The following SEC24A variants were observed in gnomAD, a reference collection of about 807,000 sequenced individuals.
SEC24A encodes protein transport protein Sec24A.
A neutral mutation model predicts 129.4 loss-of-function variants in SEC24A; 93 were observed. The ratio of observed to expected loss-of-function variants is 0.72; its 90% CI spans 0.61 to 0.85. The LOEUF is 0.85. Among genes scored for constraint, SEC24A ranks in the 40% least tolerant of loss-of-function variants. The pLI is 0.00. For missense variants in SEC24A, 1,264 were observed against 1,307.4 expected (o/e 0.97, Z 0.51); for synonymous variants, 460 against 467.3 (o/e 0.98, Z 0.20).
chr5:134,707,237 G>C (rs1406003484), intron 17 of SEC24A, among the ~76,000 whole-genome samples: 2 of 152,100 alleles, frequency 1.3e-5, no homozygotes, highest in African/African-American at 2.4e-5. Flanking sequence ...CGTGGAGCCT[G>C]GTAAAGGATT....
chr5:134,679,462 G>C (rs373425910), intron 7 of SEC24A, 140 bp from the exon 8 acceptor site: 2 of 483,880 alleles, frequency 4.1e-6, no homozygotes, highest in East Asian at 3.2e-5. Flanking sequence ...GTGTATGGCA[G>C]TTTAGATACA....
At chr5:134,724,881 T>G (rs901336287) in intron 22 of SEC24A, 99 bp from the exon 23 acceptor site, 2 of 677,556 alleles carry the variant, frequency 3.0e-6, no homozygotes, top group Non-Finnish European at 5.3e-6. Context: ...ACTGTTTATA[T>G]AGTAAATGTT....
intron 13 of SEC24A, among the ~76,000 whole-genome samples, chr5:134,695,360 CAAA>C (rs1258535890): frequency 1.3e-4 from 19 of 151,628 alleles, no homozygotes; most frequent in African/African-American, 4.6e-4. Context: ...ACAACAACAA[CAAA>C]AAAGATGGCT....
chr5:134,657,021 CAAA>C (rs756345015), intron 1 of SEC24A, among the ~76,000 whole-genome samples: 8 of 151,340 alleles, frequency 5.3e-5, no homozygotes, highest in Non-Finnish European at 1.0e-4. Flanking sequence ...CCCATCTCTA[CAAA>C]AAAATTTAAA....
intron 16 of SEC24A, among the ~76,000 whole-genome samples, chr5:134,704,460 C>CATTTAGTAATAA (rs1752094735): frequency 2.6e-5 from 4 of 152,092 alleles, no homozygotes; most frequent in African/African-American, 4.8e-5. Context: ...TGAATGCGAT[C>CATTTAGTAATAA]CCTGTTCATT....
At chr5:134,671,911 T>C (rs1750878980) in intron 4 of SEC24A, 25 bp downstream of exon 4, 1 of 1,381,786 alleles carries the variant, frequency 7.2e-7, no homozygotes, top group South Asian at 1.2e-5. Context: ...AAGTTTTTTT[T>C]TTAATCTCTT....
chr5:134,659,392 T>C (rs1429862361), intron 1 of SEC24A, among the ~76,000 whole-genome samples: 1 of 152,112 alleles, frequency 6.6e-6, no homozygotes, highest in Non-Finnish European at 1.5e-5. Flanking sequence ...ATTATTTTGA[T>C]GGGCTACTTA....
At chr5:134,665,326 C>T (rs1398145974) in intron 2 of SEC24A, among the ~76,000 whole-genome samples, 1 of 150,734 alleles carries the variant, frequency 6.6e-6, no homozygotes, top group Non-Finnish European at 1.5e-5. Context: ...TGGTGGCGCG[C>T]ACTTGTGGAC....
chr5:134,655,907 GT>G (rs915408275), intron 1 of SEC24A, among the ~76,000 whole-genome samples: 3 of 151,334 alleles, frequency 2.0e-5, no homozygotes, highest in African/African-American at 7.3e-5. Flanking sequence ...ATTTCTGATT[GT>G]TTTTTTCTCT....
intron 7 of SEC24A, among the ~76,000 whole-genome samples, chr5:134,676,394 T>C (rs2150083793): frequency 6.8e-6 from 1 of 147,880 alleles, no homozygotes; most frequent in Admixed American, 6.9e-5. Context: ...TGCCTTGGCC[T>C]CCCAAAGTGC....
chr5:134,693,820 A>C lies in SEC24A; in HGVS notation c.1873A>C (p.Lys625Gln), dbSNP rs1444576685. Residue 625 changes from lysine to glutamine, a missense_variant, in exon 13 of 23, where the codon AAG becomes CAG. Physicochemically the swap from Lys to Gln is moderately conservative, Grantham distance 53. Coordinates refer to ENST00000398844, the MANE Select transcript of SEC24A (RefSeq NM_021982.3). Reference sequence around the variant, plus strand: ...GGGTCCTGCACTGCAGGCTGCCTTTAAGCTGATGTCTCCAACTGGTGGTCG... The same window carrying C: ...GGGTCCTGCACTGCAGGCTGCCTTTCAGCTGATGTCTCCAACTGGTGGTCG... The part of the protein sequence containing the change: ...ALGPALQAAF[K>Q]LMSPTGGRMS... 2 of 1,614,084 alleles carry C rather than the reference A, an allele frequency of 1.2e-6. No individual in the cohort carries two copies. Among genetic ancestry groups the C allele is most frequent in the South Asian group, 2.2e-5 (2 of 91,080 alleles).
chr5:134,718,198 C>T (rs752380156), intron 20 of SEC24A, 25 bp downstream of exon 20: 58 of 1,496,018 alleles, frequency 3.9e-5, no homozygotes, highest in Non-Finnish European at 5.4e-5. Context: ...TTATCCTGAC[C>T]CTCACTGCAA....
intron 18 of SEC24A, among the ~76,000 whole-genome samples, chr5:134,710,566 G>A (rs1752295200): frequency 6.6e-6 from 1 of 152,000 alleles, no homozygotes; most frequent in African/African-American, 2.4e-5. Flanking sequence ...TCTTATACCT[G>A]TATACTTGCA....
chr5:134,676,796 A>G (rs1040015378), intron 7 of SEC24A, among the ~76,000 whole-genome samples: 6 of 152,168 alleles, frequency 3.9e-5, no homozygotes, highest in South Asian at 2.1e-4. Context: ...ATTTTCTGCA[A>G]TGATGCAAGA....
At chr5:134,706,089 T>C (rs1278209366) in intron 17 of SEC24A, among the ~76,000 whole-genome samples, 1 of 152,178 alleles carries the variant, frequency 6.6e-6, no homozygotes, top group Non-Finnish European at 1.5e-5. Flanking sequence ...GGTTTCTTCA[T>C]GTGGTCGGGC....
chr5:134,686,775 TC>T lies in SEC24A; in HGVS notation c.1492-14del, dbSNP rs1751466854. On this transcript the variant is annotated splice_polypyrimidine_tract_variant and intron_variant, in intron 9 of 22. Transcript: ENST00000398844. ...ATCCTGTTAAATGTACTTAACAAGA[TC>T]TTTTTTTCTTCAGTTACGACCACCT... is the stretch of plus-strand genomic sequence containing the variant. The T allele has an allele frequency of 1.3e-6, 2 of 1,486,710 alleles. No individual in the cohort carries two copies. The highest frequency in any genetic ancestry group is 2.3e-5 in the East Asian group (1 of 43,896). 92.1% of individuals were successfully genotyped at this position (1,486,710 alleles called of 1,614,324 possible).
At chr5:134,711,795 T>A (rs1271817150) in intron 18 of SEC24A, among the ~76,000 whole-genome samples, 2 of 151,872 alleles carry the variant, frequency 1.3e-5, no homozygotes, top group African/African-American at 4.8e-5. Flanking sequence ...TCGCCCAGGC[T>A]GGAGTGCAGT....
chr5:134,664,190 TTC>T (rs1750571150), intron 2 of SEC24A, among the ~76,000 whole-genome samples: 1 of 152,120 alleles, frequency 6.6e-6, no homozygotes, highest in South Asian at 2.1e-4. Flanking sequence ...AAAAGTAACC[TTC>T]TTTTTTCTCA....
At chr5:134,675,893 G>T in intron 6 of SEC24A, 130 bp from the exon 7 acceptor site, 1 of 574,352 alleles carries the variant, frequency 1.7e-6, no homozygotes, top group South Asian at 3.1e-5. Flanking sequence ...ATAAAATTTT[G>T]AGACTCTATT....
Sources: gnomAD v4.1 joint callset for allele counts (sites outside exome capture counted in the v4.1 genomes callset) on GRCh38, gnomAD v4.1.1 for gene constraint, MANE v1.5 for transcripts, NCBI Gene and HGNC (gene_info 2026-07-23, HGNC 2026-07-21) for gene names.